KALRN: variants seen among roughly 807,000 people sequenced by gnomAD.
KALRN encodes the protein kalirin.
KALRN carries 70 observed loss-of-function variants against 353.7 expected under a neutral mutation model. That is an observed-to-expected ratio of 0.20 (90% CI 0.16 to 0.24). KALRN has a LOEUF of 0.24. KALRN is among the 10% of genes least tolerant of loss of function. The probability of loss-of-function intolerance (pLI) is 1.00; values close to 1 mark genes in which losing one functional copy is unlikely to be tolerated. For missense variants in KALRN, 2,791 were observed against 3,756.7 expected (o/e 0.74, Z 6.72); for synonymous variants, 1,391 against 1,434.8 (o/e 0.97, Z 0.69).
At chr3:124,387,806 T>C (rs2088631200) in intron 11 of KALRN, among the ~76,000 whole-genome samples, 1 of 147,242 alleles carries the variant, frequency 6.8e-6, no homozygotes, top group Non-Finnish European at 1.5e-5. Context: ...ACAGATTTTA[T>C]TTTTTTTTTC....
At chr3:124,487,933 G>A (rs146342217) in intron 28 of KALRN, among the ~76,000 whole-genome samples, 2 of 152,364 alleles carry the variant, frequency 1.3e-5, no homozygotes, top group African/African-American at 4.8e-5. Context: ...GACAGAGAAT[G>A]CCTCAGTTGC....
chr3:124,638,269 A>T (rs1325413970), intron 37 of KALRN, among the ~76,000 whole-genome samples: 2 of 152,184 alleles, frequency 1.3e-5, no homozygotes, highest in South Asian at 2.1e-4. Context: ...ATCCCAGCAT[A>T]TACTATATGA....
chr3:124,352,727 A>C (rs2149603299), intron 10 of KALRN, among the ~76,000 whole-genome samples: 1 of 152,100 alleles, frequency 6.6e-6, no homozygotes, highest in Admixed American at 6.6e-5. Flanking sequence ...ATCATTCTGA[A>C]ACTGGAAACC....
At chr3:124,424,616 C>T (rs1371850819) in intron 15 of KALRN, among the ~76,000 whole-genome samples, 2 of 152,156 alleles carry the variant, frequency 1.3e-5, no homozygotes, top group Non-Finnish European at 2.9e-5. Context: ...CAGTGCTGCC[C>T]TCCAGATTGT....
intron 12 of KALRN, among the ~76,000 whole-genome samples, chr3:124,397,263 G>A (rs185828847): frequency 6.6e-6 from 1 of 152,160 alleles, no homozygotes; most frequent in Non-Finnish European, 1.5e-5. Flanking sequence ...GGGGATGTCC[G>A]TGCAGTTGTG....
chr3:124,286,073 T>TC (rs1243794625), intron 5 of KALRN, among the ~76,000 whole-genome samples: 6 of 108,116 alleles, frequency 5.5e-5, no homozygotes, highest in Admixed American at 1.0e-4. Context: ...TTTCTTTCTT[T>TC]CTTTCCTTCC....
intron 33 of KALRN, among the ~76,000 whole-genome samples, chr3:124,548,022 C>G (rs2069937656): frequency 6.6e-6 from 1 of 152,172 alleles, no homozygotes; most frequent in African/African-American, 2.4e-5. Context: ...TGCTCTCCAT[C>G]TAAGCACTGC....
chr3:124,366,273 G>A (rs184584048), intron 10 of KALRN, among the ~76,000 whole-genome samples: 1 of 147,630 alleles, frequency 6.8e-6, no homozygotes, highest in East Asian at 2.0e-4. Flanking sequence ...CCAGGGTCAT[G>A]GGACAATAGT....
intron 41 of KALRN, 86 bp downstream of exon 41, chr3:124,657,889 C>T (rs534959876): frequency 3.0e-6 from 3 of 998,938 alleles, no homozygotes; most frequent in African/African-American, 3.2e-5. Context: ...CACAGTGGCT[C>T]ACACCTGTAA....
At chr3:124,553,524 G>A (rs2070806048) in intron 33 of KALRN, among the ~76,000 whole-genome samples, 1 of 152,238 alleles carries the variant, frequency 6.6e-6, no homozygotes, top group Non-Finnish European at 1.5e-5. Flanking sequence ...CAATTTGCAG[G>A]AATGCCTGGG....
chr3:124,138,590 G>A (rs181667842), intron 1 of KALRN, among the ~76,000 whole-genome samples: 44 of 152,342 alleles, frequency 2.9e-4, no homozygotes, highest in Admixed American at 9.1e-4. Context: ...ACTGAGGCCA[G>A]AGGATTCACT....
At chr3:124,632,396 G>C in intron 34 of KALRN, 24 bp from the exon 35 acceptor site, 2 of 1,611,246 alleles carry the variant, frequency 1.2e-6, no homozygotes, top group Non-Finnish European at 1.7e-6. Context: ...CTCTGACATG[G>C]CTGTGTCTGT....
intron 34 of KALRN, among the ~76,000 whole-genome samples, chr3:124,564,005 C>CAAAAAAAAA (rs56072904): frequency 2.1e-5 from 2 of 96,462 alleles, no homozygotes; most frequent in African/African-American, 4.0e-5. Flanking sequence ...GACTCTGTCT[C>CAAAAAAAAA]AAAAAAAAAA....
At chr3:124,097,645 G>A (rs968469840) in intron 1 of KALRN, among the ~76,000 whole-genome samples, 2 of 152,208 alleles carry the variant, frequency 1.3e-5, no homozygotes, top group South Asian at 4.1e-4. Context: ...TCATGGAGCT[G>A]AAATAAACTT....
At chr3:124,518,211 ACT>A (rs538077170) in intron 33 of KALRN, among the ~76,000 whole-genome samples, 188 of 152,178 alleles carry the variant, frequency 1.2e-3, no homozygotes, top group African/African-American at 4.2e-3. Flanking sequence ...TCTTACACAC[ACT>A]GTTTCCTCTA....
At chr3:124,486,779 T>C (rs2062618282) in intron 28 of KALRN, among the ~76,000 whole-genome samples, 1 of 152,212 alleles carries the variant, frequency 6.6e-6, no homozygotes, top group African/African-American at 2.4e-5. Context: ...AAATTATGTA[T>C]GTCACATTGT....
In KALRN at chr3:124,603,336, C is replaced by T. The variant is rs79158841; in HGVS notation, c.5183-29084C>T. ...ATATCTATCTCCTTCTACCTGCCTC[C>T]TCCTGGTAGCCTTGGCAGCCTCTAA... is the stretch of plus-strand genomic sequence containing the variant. On this transcript the variant is annotated intron_variant, in intron 34 of 59. Transcript: ENST00000682506. 9.9e-3 allele frequency among the ~76,000 whole-genome samples: 1,502 copies of T among 152,308 alleles called. 31 individuals carry two copies. The highest frequency in any genetic ancestry group is 0.034 in the African/African-American group (1,409 of 41,546).
At chr3:124,343,932 A>C (rs2082018914) in intron 9 of KALRN, among the ~76,000 whole-genome samples, 1 of 152,214 alleles carries the variant, frequency 6.6e-6, no homozygotes, top group South Asian at 2.1e-4. Context: ...AAATGTCCGA[A>C]TATGTGAATA....
intron 24 of KALRN, 66 bp from the exon 25 acceptor site, chr3:124,462,458 G>A: frequency 1.1e-6 from 1 of 902,624 alleles, no homozygotes; most frequent in Non-Finnish European, 1.8e-6. Context: ...GAGCACCTGT[G>A]TATTTTGTCT....
Sources: gnomAD v4.1 joint callset for allele counts (sites outside exome capture counted in the v4.1 genomes callset) on GRCh38, gnomAD v4.1.1 for gene constraint, MANE v1.5 for transcripts, NCBI Gene and HGNC (gene_info 2026-07-23, HGNC 2026-07-21) for gene names.